ANO4: variants seen among roughly 807,000 people sequenced by gnomAD.
ANO4 encodes the protein anoctamin-4.
A neutral mutation model predicts 141.9 loss-of-function variants in ANO4; 69 were observed. The ratio of observed to expected loss-of-function variants is 0.49; its 90% CI spans 0.40 to 0.59. ANO4 has a LOEUF of 0.59. Among genes scored for constraint, ANO4 ranks in the 20% least tolerant of loss-of-function variants. The pLI is 0.00. For synonymous variants in ANO4, 350 were observed against 394.3 expected (o/e 0.89, Z 1.33); for missense variants, 894 against 1,162.2 (o/e 0.77, Z 3.36).
intron 1 of ANO4, among the ~76,000 whole-genome samples, chr12:100,886,886 T>G (rs2039860326): frequency 2.0e-5 from 3 of 152,208 alleles, no homozygotes; most frequent in Admixed American, 2.0e-4. Flanking sequence ...ATCTTTGACA[T>G]CTCCTTCTGT....
At chr12:100,796,870 A>G (rs1483445395) in intron 1 of ANO4, among the ~76,000 whole-genome samples, 1 of 152,098 alleles carries the variant, frequency 6.6e-6, no homozygotes, top group Non-Finnish European at 1.5e-5. Context: ...AAAGGATGTT[A>G]TATAGTGCCT....
chr12:100,753,767 G>A (rs928598726), intron 3 of ANO4, among the ~76,000 whole-genome samples: 4 of 152,154 alleles, frequency 2.6e-5, no homozygotes, highest in African/African-American at 4.8e-5. Context: ...ATTTTAATGC[G>A]TAAAGCTATC....
At chr12:101,024,310 C>T (rs1406767324) in intron 9 of ANO4, among the ~76,000 whole-genome samples, 1 of 152,144 alleles carries the variant, frequency 6.6e-6, no homozygotes, top group African/African-American at 2.4e-5. Flanking sequence ...AAGTTATCAT[C>T]TGAGGCCAGG....
intron 9 of ANO4, among the ~76,000 whole-genome samples, chr12:101,023,419 C>G (rs1488218045): frequency 6.6e-6 from 1 of 152,148 alleles, no homozygotes; most frequent in Admixed American, 6.5e-5. Flanking sequence ...GCCTGGAATC[C>G]CAGAACTTTG....
At chr12:100,763,771 A>G (rs2032970951) in intron 3 of ANO4, among the ~76,000 whole-genome samples, 1 of 152,182 alleles carries the variant, frequency 6.6e-6, no homozygotes, top group African/African-American at 2.4e-5. Context: ...TCTCCCATTC[A>G]TCTATCAATC....
At position 101,083,658 on chromosome 12, in the gene ANO4, T is replaced by C. The variant is rs186661816; in HGVS notation, c.1396-20T>C. The C allele has an allele frequency of 3.7e-4, 592 of 1,597,266 alleles. 2 individuals are homozygous for C. Among genetic ancestry groups the C allele is most frequent in the Middle Eastern group, 2.7e-3 (16 of 6,008 alleles). ...TGAGCACCTCTTTAGTGCATTAAAA[T>C]GTGTCTGCTTGTCCTTTAGGAAGAA... On this transcript the variant is annotated intron_variant, in intron 15 of 27. Coordinates refer to ENST00000392977, the MANE Select transcript of ANO4 (RefSeq NM_001286615.2).
At chr12:100,751,239 G>C (rs557913875) in intron 3 of ANO4, among the ~76,000 whole-genome samples, 1 of 152,258 alleles carries the variant, frequency 6.6e-6, no homozygotes, top group East Asian at 1.9e-4. Context: ...GACATCAGCT[G>C]ATGGAAGTGA....
intron 22 of ANO4, among the ~76,000 whole-genome samples, chr12:101,101,975 T>C (rs1461213888): frequency 1.3e-5 from 2 of 151,974 alleles, no homozygotes; most frequent in African/African-American, 4.8e-5. Context: ...TCCCAGCTAC[T>C]TGGGAAGCTG....
At chr12:100,811,283 A>G (rs1484708975) in intron 1 of ANO4, among the ~76,000 whole-genome samples, 2 of 152,194 alleles carry the variant, frequency 1.3e-5, no homozygotes, top group East Asian at 3.9e-4. Flanking sequence ...GGCTTTCTAA[A>G]GCCGAGATAC....
chr12:100,877,020 C>G (rs1323903824), intron 1 of ANO4, among the ~76,000 whole-genome samples: 1 of 152,028 alleles, frequency 6.6e-6, no homozygotes, highest in Non-Finnish European at 1.5e-5. Flanking sequence ...AAGCCAGGTA[C>G]TGAAAGACAA....
At chr12:100,765,495 C>T (rs959015265) in intron 3 of ANO4, among the ~76,000 whole-genome samples, 2 of 150,846 alleles carry the variant, frequency 1.3e-5, no homozygotes, top group African/African-American at 2.4e-5. Flanking sequence ...CCTCCCACTG[C>T]AGCCTCCTGA....
chr12:100,786,085 GC>G (rs2033865686), intron 3 of ANO4, among the ~76,000 whole-genome samples: 2 of 152,122 alleles, frequency 1.3e-5, no homozygotes, highest in Admixed American at 1.3e-4. Flanking sequence ...TATAGCAATG[GC>G]ACACTAGCTA....
intron 1 of ANO4, among the ~76,000 whole-genome samples, chr12:100,811,411 T>A (rs1359387455): frequency 6.6e-6 from 1 of 152,186 alleles, no homozygotes; most frequent in Non-Finnish European, 1.5e-5. Context: ...ATAAGTATAT[T>A]TTTGTAAATC....
chr12:100,946,216 G>C (rs1303791250), intron 5 of ANO4, among the ~76,000 whole-genome samples: 1 of 152,192 alleles, frequency 6.6e-6, no homozygotes, highest in African/African-American at 2.4e-5. Context: ...GGCAGTGGAA[G>C]CCTTAGTGAT....
chr12:100,724,366 T>C (rs1026367286), intron 1 of ANO4, among the ~76,000 whole-genome samples: 4 of 152,124 alleles, frequency 2.6e-5, no homozygotes, highest in African/African-American at 9.7e-5. Context: ...TGAGACAGGG[T>C]TTGAGGATGC....
intron 5 of ANO4, among the ~76,000 whole-genome samples, chr12:100,958,404 A>T (rs1176073824): frequency 1.3e-5 from 2 of 152,228 alleles, no homozygotes; most frequent in Admixed American, 6.5e-5. Context: ...TCATTAAAAA[A>T]TCATATAGTG....
chr12:100,961,440 G>A (rs2043419868), intron 5 of ANO4, among the ~76,000 whole-genome samples: 2 of 152,194 alleles, frequency 1.3e-5, no homozygotes, highest in Admixed American at 6.5e-5. Context: ...TCTGAGCTCT[G>A]CCTTCCCTCT....
intron 1 of ANO4, among the ~76,000 whole-genome samples, chr12:100,827,486 A>G (rs1475504875): frequency 2.6e-5 from 4 of 152,000 alleles, no homozygotes; most frequent in African/African-American, 7.2e-5. Context: ...TTATCCCTCT[A>G]AGATGTTGGC....
intron 3 of ANO4, among the ~76,000 whole-genome samples, chr12:100,779,197 A>G (rs2033634874): frequency 6.6e-6 from 1 of 152,238 alleles, no homozygotes; most frequent in African/African-American, 2.4e-5. Flanking sequence ...TGTAGCCAGG[A>G]TTGAGAACAC....
Sources: gnomAD v4.1 joint callset for allele counts (sites outside exome capture counted in the v4.1 genomes callset) on GRCh38, gnomAD v4.1.1 for gene constraint, MANE v1.5 for transcripts, NCBI Gene and HGNC (gene_info 2026-07-23, HGNC 2026-07-21) for gene names.